The following SGK1 variants were observed in gnomAD, a reference collection of about 807,000 sequenced individuals.
SGK1 encodes serum/glucocorticoid regulated kinase 1.
Under a neutral mutation model 64.2 loss-of-function variants are expected in SGK1, and 26 were observed. The ratio of observed to expected loss-of-function variants is 0.40; its 90% CI spans 0.30 to 0.56. The LOEUF (loss-of-function observed/expected upper bound fraction) is 0.56. Ranked by LOEUF, SGK1 falls within the 20% of genes least tolerant of loss-of-function variation. The pLI, the probability that SGK1 is intolerant of heterozygous loss-of-function variation, is 0.38. For synonymous variants in SGK1, 265 were observed against 239.7 expected (o/e 1.11, Z -0.98); for missense variants, 519 against 645.6 (o/e 0.80, Z 2.12).
chr6:134,170,144 T>C lies in SGK1; in HGVS notation c.*124A>G. 1.3e-6 allele frequency: 1 copy of C among 783,366 alleles called. No homozygotes were observed. The highest frequency in any genetic ancestry group is 1.7e-5 in the African/African-American group (1 of 57,912). 48.5% of individuals were successfully genotyped at this position (783,366 alleles called of 1,614,324 possible). ...AGCGAACAGTGTGCAATAAGATTGC[T>C]AAGCTTCCAGAGATGTGCAAATTCT... On this transcript the variant is annotated 3_prime_UTR_variant, in exon 14 of 14. Transcript: ENST00000367858.
At position 134,317,661 on chromosome 6, in the gene SGK1, G is replaced by A; in HGVS notation, c.-201C>T. 1 of 588,352 alleles carries A rather than the reference G, an allele frequency of 1.7e-6. No individual in the cohort carries two copies. Among genetic ancestry groups the A allele is most frequent in the Non-Finnish European group, 3.0e-6 (1 of 329,042 alleles). 36.4% of individuals were successfully genotyped at this position (588,352 alleles called of 1,614,324 possible). On this transcript the variant is annotated 5_prime_UTR_variant, in exon 1 of 14. Coordinates refer to ENST00000367858, the MANE Select transcript of SGK1 (RefSeq NM_001143676.3). The stretch of plus-strand genomic sequence containing the variant: ...CCTCTCCCCACTTTCAGTTGCCACC[G>A]ACAGCGGCTTTTCTCCTTCCATCAT...
chr6:134,235,354 C>T (rs1215500264), intron 2 of SGK1, among the ~76,000 whole-genome samples: 1 of 151,788 alleles, frequency 6.6e-6, no homozygotes, highest in Admixed American at 6.6e-5. Context: ...GGAGTTAATG[C>T]CAACTCTGAA....
At position 134,214,865 on chromosome 6, in the gene SGK1, A is replaced by T. The variant is rs771330639; in HGVS notation, c.286-7434T>A. 4 of 178,544 alleles carry T rather than the reference A, an allele frequency of 2.2e-5. No homozygotes were observed. The Admixed American group carries it at 2.3e-4, about 10-fold the overall frequency. The allele number at this position is 178,544 out of a possible 1,614,324, so 11.1% of individuals were successfully genotyped here. ...ACTATTTTTCAACTTATTTTCTATG[A>T]GTCCTAGGAGGTAGAAAGAGATTTT... is the stretch of plus-strand genomic sequence containing the variant. On this transcript the variant is annotated intron_variant, in intron 2 of 13. Coordinates refer to ENST00000367858, the MANE Select transcript of SGK1 (RefSeq NM_001143676.3).
At chr6:134,264,189 A>G (rs933773937) in intron 1 of SGK1, among the ~76,000 whole-genome samples, 5 of 149,142 alleles carry the variant, frequency 3.4e-5, no homozygotes, top group East Asian at 2.0e-4. Flanking sequence ...GCGCGATCTC[A>G]GCTCACTGCA....
chr6:134,201,296 A>C (rs1775677096), intron 3 of SGK1, among the ~76,000 whole-genome samples: 2 of 151,876 alleles, frequency 1.3e-5, no homozygotes, highest in African/African-American at 4.8e-5. Flanking sequence ...TCCTGACCTC[A>C]TGATCCGCCC....
intron 1 of SGK1, among the ~76,000 whole-genome samples, chr6:134,285,867 T>C (rs746924617): frequency 2.0e-5 from 3 of 152,190 alleles, no homozygotes; most frequent in Non-Finnish European, 4.4e-5. Context: ...GGGAAACAAA[T>C]GTTAGGAACA....
intron 3 of SGK1, among the ~76,000 whole-genome samples, chr6:134,190,096 C>T (rs1307106393): frequency 6.6e-6 from 1 of 152,166 alleles, no homozygotes; most frequent in African/African-American, 2.4e-5. Context: ...GTGATCGGCC[C>T]GCCTTGGCCT....
Position 134,169,370 on chromosome 6 carries a change from A to G in SGK1, c.*898T>C, listed in dbSNP as rs1158483434. Reference sequence around the variant, plus strand: ...ATAACCATGTTAATTACAGTACATTAAAATGGTGGTTTACATTACAAATAA... The same window carrying G: ...ATAACCATGTTAATTACAGTACATTGAAATGGTGGTTTACATTACAAATAA... On this transcript the variant is annotated 3_prime_UTR_variant, in exon 14 of 14. Transcript: ENST00000367858. 6.6e-6 allele frequency: 1 copy of G among 152,646 alleles called. No individual in the cohort carries two copies. The highest frequency in any genetic ancestry group is 1.5e-5 in the Non-Finnish European group (1 of 68,042). The allele number at this position is 152,646 out of a possible 1,614,324, so 9.5% of individuals were successfully genotyped here.
intron 1 of SGK1, among the ~76,000 whole-genome samples, chr6:134,264,245 G>A (rs1326212312): frequency 2.0e-5 from 3 of 150,976 alleles, no homozygotes; most frequent in African/African-American, 4.9e-5. Flanking sequence ...TCAGCCTCCC[G>A]AGTAGCTGGG....
intron 1 of SGK1, among the ~76,000 whole-genome samples, chr6:134,271,805 T>A (rs1292908691): frequency 6.8e-6 from 1 of 147,750 alleles, no homozygotes; most frequent in Non-Finnish European, 1.5e-5. Context: ...GTTGTTTCCT[T>A]CTTTGTATTC....
At chr6:134,265,768 G>T (rs910428644) in intron 1 of SGK1, among the ~76,000 whole-genome samples, 3 of 149,762 alleles carry the variant, frequency 2.0e-5, no homozygotes, top group Non-Finnish European at 4.4e-5. Flanking sequence ...ACTTTTAAAA[G>T]AATAATATTT....
At chr6:134,179,494 C>T (rs866450012) in intron 3 of SGK1, among the ~76,000 whole-genome samples, 70 of 128,222 alleles carry the variant, frequency 5.5e-4, no homozygotes, top group East Asian at 1.3e-3. Context: ...AAAGGCATGT[C>T]TTTTTTTTTT....
chr6:134,190,482 C>T (rs1775493328), intron 3 of SGK1, among the ~76,000 whole-genome samples: 2 of 152,110 alleles, frequency 1.3e-5, no homozygotes, highest in African/African-American at 2.4e-5. Flanking sequence ...GACAGGGTTT[C>T]GCCATATTGG....
At chr6:134,175,965 T>C in intron 3 of SGK1, 1 of 1,143,304 alleles carries the variant, frequency 8.7e-7, no homozygotes, top group South Asian at 4.0e-5. Context: ...AAGTCGTCTC[T>C]GCACTAAAGG....
chr6:134,235,493 A>T (rs541159616), intron 2 of SGK1, among the ~76,000 whole-genome samples: 1 of 151,960 alleles, frequency 6.6e-6, no homozygotes, highest in African/African-American at 2.4e-5. Context: ...ATTTATTATT[A>T]AAAATTTAGA....
At chr6:134,213,261 C>G (rs1296510774) in intron 2 of SGK1, among the ~76,000 whole-genome samples, 1 of 152,044 alleles carries the variant, frequency 6.6e-6, no homozygotes, top group African/African-American at 2.4e-5. Context: ...GGGGGTCACG[C>G]CTATAATCCC....
At chr6:134,226,172 C>T (rs1217387155) in intron 2 of SGK1, among the ~76,000 whole-genome samples, 1 of 151,688 alleles carries the variant, frequency 6.6e-6, no homozygotes, top group Non-Finnish European at 1.5e-5. Context: ...AGAGAACAAT[C>T]TTATCAAGGA....
At chr6:134,291,603 CT>C (rs1466328003) in intron 1 of SGK1, among the ~76,000 whole-genome samples, 9 of 152,178 alleles carry the variant, frequency 5.9e-5, no homozygotes, top group African/African-American at 1.9e-4. Flanking sequence ...GGAAAGTAGC[CT>C]TAAAATGACG....
At chr6:134,180,320 C>T (rs144901730) in intron 3 of SGK1, 1 of 152,198 alleles carries the variant, frequency 6.6e-6, no homozygotes, top group Non-Finnish European at 1.5e-5. Context: ...TTACCCATCT[C>T]CATCTTGGCA....
Sources: allele counts gnomAD v4.1 joint callset (sites outside exome capture counted in the v4.1 genomes callset), GRCh38; gene constraint gnomAD v4.1.1; transcripts MANE v1.5; gene names NCBI Gene and HGNC (gene_info 2026-07-23, HGNC 2026-07-21).